The following POGK variants were observed in gnomAD, a reference collection of about 807,000 sequenced individuals.
POGK encodes pogo transposable element with KRAB domain.
A neutral mutation model predicts 54.4 loss-of-function variants in POGK; 16 were observed. The observed-to-expected ratio is 0.29, with a 90% confidence interval of 0.20 to 0.45. The LOEUF is 0.45. Among genes scored for constraint, POGK ranks in the 20% least tolerant of loss-of-function variants. The pLI is 1.00. For synonymous variants in POGK, 271 were observed against 302.2 expected, an observed-to-expected ratio of 0.90 and a Z score of 1.07; for missense variants, 515 against 795.6, an observed-to-expected ratio of 0.65 and a Z score of 4.24.
chr1:166,848,782 A>G (rs1384747609), intron 4 of POGK, among the ~76,000 whole-genome samples, 156 bp from the exon 5 acceptor site: 1 of 152,228 alleles, frequency 6.6e-6, no homozygotes, highest in East Asian at 1.9e-4. Context: ...AAATTGGCAT[A>G]TGGAAAAGGA....
intron 2 of POGK, among the ~76,000 whole-genome samples, chr1:166,842,497 A>G (rs1657556720): frequency 6.6e-6 from 1 of 152,180 alleles, no homozygotes; most frequent in East Asian, 1.9e-4. Context: ...AAGTAAACAT[A>G]AGTAATAGTA....
Position 166,853,939 on chromosome 1 carries a change from T to G in POGK, c.*1369T>G, listed in dbSNP as rs1373463149. The G allele has an allele frequency of 6.6e-6, 1 of 152,230 alleles. No homozygotes were observed. Among genetic ancestry groups the G allele is most frequent in the Non-Finnish European group, 1.5e-5 (1 of 68,036 alleles). The allele number at this position is 152,230 out of a possible 1,614,324, so 9.4% of individuals were successfully genotyped here. ...TCAATATTTGAATTGTTGCCCCATT[T>G]GCTTTTACCTGTACTGTATTCTTGG... On this transcript the variant is annotated 3_prime_UTR_variant, in exon 6 of 6. Transcript: ENST00000367876.
chr1:166,844,947 G>T (rs1657774088), intron 2 of POGK, among the ~76,000 whole-genome samples: 1 of 152,162 alleles, frequency 6.6e-6, no homozygotes, highest in African/African-American at 2.4e-5. Flanking sequence ...AGAAAGGGGA[G>T]GCCCTCCAAG....
At chr1:166,850,627 G>T (rs965360801) in intron 5 of POGK, 8 of 523,862 alleles carry the variant, frequency 1.5e-5, no homozygotes, top group Non-Finnish European at 2.6e-5. Context: ...GAGGTGAGCG[G>T]CAGGTGAGCA....
chr1:166,847,893 G>A (rs2101760366), intron 4 of POGK, among the ~76,000 whole-genome samples: 1 of 152,296 alleles, frequency 6.6e-6, no homozygotes, highest in Non-Finnish European at 1.5e-5. Context: ...TGGCTGAACA[G>A]GGCTCCCTCA....
At chr1:166,844,251 C>G (rs1230333984) in intron 2 of POGK, among the ~76,000 whole-genome samples, 3 of 152,178 alleles carry the variant, frequency 2.0e-5, no homozygotes, top group African/African-American at 4.8e-5. Flanking sequence ...ATGTTACCCC[C>G]CCTAAGAGTA....
At chr1:166,847,661 A>C in intron 4 of POGK, 69 bp downstream of exon 4, 6 of 1,211,444 alleles carry the variant, frequency 5.0e-6, no homozygotes, top group Non-Finnish European at 7.2e-6. Flanking sequence ...TTCAGTGTAC[A>C]TTCCACGGGG....
At chr1:166,839,972 A>G (rs937587035) in intron 1 of POGK, 6 of 151,950 alleles carry the variant, frequency 3.9e-5, no homozygotes, top group Admixed American at 3.3e-4. Context: ...TAGCGCGGGG[A>G]GGCGGCCCCT....
In POGK at chr1:166,854,849, A is replaced by G. The variant is rs1021570592; in HGVS notation, c.*2279A>G. ...AGTCCTGACAATTTACAGTGCCCAT[A>G]AAGTAGTAGTTGATTCTCCAGGAAT... On this transcript the variant is annotated 3_prime_UTR_variant, in exon 6 of 6. Coordinates refer to ENST00000367876, the MANE Select transcript of POGK (RefSeq NM_017542.5). 6.6e-6 allele frequency: 1 copy of G among 151,956 alleles called. No homozygotes were observed. Among genetic ancestry groups the G allele is most frequent in the Non-Finnish European group, 1.5e-5 (1 of 68,030 alleles). The allele number at this position is 151,956 out of a possible 1,614,324, so 9.4% of individuals were successfully genotyped here. A position where few individuals can be genotyped will look rare whatever the true frequency, so the allele number is the denominator to read the frequency against.
Position 166,850,251 on chromosome 1 carries a change from A to C in POGK, c.1672A>C (p.Ile558Leu). Residue 558 changes from isoleucine to leucine, a missense_variant, in exon 5 of 6, where the codon ATC (isoleucine) becomes CTC (leucine). Physicochemically the swap from Ile to Leu is conservative, Grantham distance 5 (BLOSUM62 2). Transcript: ENST00000367876. ...LEWVMVAWNS[I>L]SSESIVQGFK... ...GTGGGTCATGGTCGCGTGGAATAGCATCTCAAGTGAGTCCATCGTCCAAGG... is the reference window on the plus strand; with the variant it reads ...GTGGGTCATGGTCGCGTGGAATAGCCTCTCAAGTGAGTCCATCGTCCAAGG... 6.4e-7 allele frequency: 1 copy of C among 1,563,882 alleles called. No homozygotes were observed. The highest frequency in any genetic ancestry group is 8.7e-7 in the Non-Finnish European group (1 of 1,153,152).
At chr1:166,843,140 G>A (rs576109655) in intron 2 of POGK, among the ~76,000 whole-genome samples, 1 of 152,312 alleles carries the variant, frequency 6.6e-6, no homozygotes, top group South Asian at 2.1e-4. Context: ...TCAGCCAAGG[G>A]AAGGGAAGGG....
intron 5 of POGK, chr1:166,851,475 G>A (rs1216547358): frequency 6.6e-6 from 1 of 152,152 alleles, no homozygotes; most frequent in Admixed American, 6.5e-5. Context: ...AAATAAAACG[G>A]TGCGTATCTA....
At chr1:166,843,415 C>T (rs1204932395) in intron 2 of POGK, among the ~76,000 whole-genome samples, 1 of 152,236 alleles carries the variant, frequency 6.6e-6, no homozygotes. Flanking sequence ...TCTCTACAGC[C>T]ACCATGCTAA....
chr1:166,850,776 G>GT (rs1377681560), intron 5 of POGK: 1 of 173,628 alleles, frequency 5.8e-6, no homozygotes, highest in African/African-American at 2.4e-5. Flanking sequence ...AGGCGGAACA[G>GT]TTTCATCCCA....
chr1:166,855,699 A>G lies in POGK; in HGVS notation c.*3129A>G, dbSNP rs1658250781. ...TCAGGCCAGGTCCTAGAGAGTAGTG[A>G]GAAGTTTTCCAGTTTGCAGTTTCCT... On this transcript the variant is annotated 3_prime_UTR_variant, in exon 6 of 6. Transcript: ENST00000367876. The G allele has an allele frequency of 6.6e-6, 1 of 152,308 alleles. No homozygotes were observed. Among genetic ancestry groups the G allele is most frequent in the South Asian group, 2.1e-4 (1 of 4,838 alleles). 9.4% of individuals were successfully genotyped at this position (152,308 alleles called of 1,614,324 possible).
chr1:166,847,668 G>A (rs1382869475), intron 4 of POGK, 76 bp downstream of exon 4: 20 of 1,149,200 alleles, frequency 1.7e-5, no homozygotes, highest in Non-Finnish European at 2.4e-5. Context: ...TACATTCCAC[G>A]GGGTATTTAA....
In POGK at chr1:166,853,368, CTT is replaced by C. The variant is rs901486649; in HGVS notation, c.*799_*800del. On this transcript the variant is annotated 3_prime_UTR_variant, in exon 6 of 6. Transcript: ENST00000367876. ...TAGGGCAGGATTTCGTATGCAAGCT[CTT>C]GTTTCTCAGGCTGCCTGCAGAAGAA... 3 of 152,524 alleles carry C rather than the reference CTT, an allele frequency of 2.0e-5. No homozygotes were observed. The highest frequency in any genetic ancestry group is 4.4e-5 in the Non-Finnish European group (3 of 68,022). The allele number at this position is 152,524 out of a possible 1,614,324, so 9.4% of individuals were successfully genotyped here.
rs1439586883 is a variant in POGK, at chr1:166,852,588, A to G, written c.*18A>G. 1.3e-5 allele frequency: 2 copies of G among 152,254 alleles called. No homozygotes were observed. The highest frequency in any genetic ancestry group is 2.4e-5 in the African/African-American group (1 of 41,468). 9.4% of individuals were successfully genotyped at this position (152,254 alleles called of 1,614,324 possible). A position where few individuals can be genotyped will look rare whatever the true frequency, so the allele number is the denominator to read the frequency against. On this transcript the variant is annotated 3_prime_UTR_variant, in exon 6 of 6. Coordinates refer to ENST00000367876, the MANE Select transcript of POGK (RefSeq NM_017542.5). Reference sequence around the variant, plus strand: ...TTAGGTTCTCTCTGTTTTCCAGCAAATGGAACTCTGATTTAAACAGCTGGG... The same window carrying G: ...TTAGGTTCTCTCTGTTTTCCAGCAAGTGGAACTCTGATTTAAACAGCTGGG...
intron 5 of POGK, 30 bp downstream of exon 5, chr1:166,850,453 C>T (rs776051412): frequency 1.5e-5 from 23 of 1,544,802 alleles, no homozygotes; most frequent in Non-Finnish European, 1.9e-5. Context: ...TACTCAGTGC[C>T]TTTGCTGACA....
Sources: gnomAD v4.1 joint callset for allele counts (sites outside exome capture counted in the v4.1 genomes callset) on GRCh38, gnomAD v4.1.1 for gene constraint, MANE v1.5 for transcripts, NCBI Gene and HGNC (gene_info 2026-07-23, HGNC 2026-07-21) for gene names.